ROPN1L: variants seen among roughly 807,000 people sequenced by gnomAD.
ROPN1L encodes the protein ropporin-1-like protein.
ROPN1L carries 23 observed loss-of-function variants against 22.7 expected under a neutral mutation model. That is an observed-to-expected ratio of 1.01 (90% CI 0.73 to 1.43). ROPN1L has a LOEUF of 1.43. Ranked by LOEUF, ROPN1L falls within the 40% of genes most tolerant of loss-of-function variation. The pLI, the probability that ROPN1L is intolerant of heterozygous loss-of-function variation, is 0.00. For missense variants in ROPN1L, 271 were observed against 291.5 expected, an observed-to-expected ratio of 0.93 and a Z score of 0.51; for synonymous variants, 116 against 117.8, an observed-to-expected ratio of 0.98 and a Z score of 0.10.
chr5:10,478,103 T>C, the ROPN1L span: 1 of 152,476 alleles, frequency 6.6e-6, no homozygotes, highest in African/African-American at 2.4e-5. Flanking sequence ...AGATGGTGGG[T>C]TCTGGCTGGT....
chr5:10,447,968 G>T (rs1331453736), intron 1 of ROPN1L, among the ~76,000 whole-genome samples: 2 of 152,192 alleles, frequency 1.3e-5, no homozygotes, highest in African/African-American at 4.8e-5. Flanking sequence ...AATCACACAT[G>T]TTGAAGGAGC....
chr5:10,479,186 C>T, the ROPN1L span, among the ~76,000 whole-genome samples: 1 of 152,172 alleles, frequency 6.6e-6, no homozygotes, highest in Non-Finnish European at 1.5e-5. Flanking sequence ...ATAGTTCTTT[C>T]AAGTCCCCAG....
the ROPN1L span, among the ~76,000 whole-genome samples, chr5:10,480,217 C>G: frequency 2.0e-5 from 3 of 152,234 alleles, no homozygotes; most frequent in Admixed American, 2.0e-4. Context: ...TGATTGTCCC[C>G]TGGAGCTACG....
At chr5:10,479,808 C>A in the ROPN1L span, among the ~76,000 whole-genome samples, 105,714 of 151,708 alleles carry the variant, frequency 0.7, 37,823 homozygotes, top group Middle Eastern at 0.76. Context: ...TGCAATGGCA[C>A]GATCTCGGCT....
At chr5:10,443,901 G>A (rs904408795) in intron 1 of ROPN1L, among the ~76,000 whole-genome samples, 1 of 152,006 alleles carries the variant, frequency 6.6e-6, no homozygotes, top group East Asian at 1.9e-4. Flanking sequence ...GCATTCAGTG[G>A]CCATCCAGAT....
Position 10,448,367 on chromosome 5 carries a change from A to G in ROPN1L, c.239A>G (p.Lys80Arg). 6.2e-7 allele frequency: 1 copy of G among 1,614,158 alleles called. No homozygotes were observed. Among genetic ancestry groups the G allele is most frequent in the East Asian group, 2.2e-5 (1 of 44,878 alleles). ...TDTGLTQGLL[K>R]VLHKQCHHKR... Reference sequence around the variant, plus strand: ...ACAGGCCTGACTCAAGGACTCCTGAAAGTTTTGCACAAGCAGGTATGGGGG... The same window carrying G: ...ACAGGCCTGACTCAAGGACTCCTGAGAGTTTTGCACAAGCAGGTATGGGGG... The change falls in exon 2 of 5, where the codon AAA becomes AGA. Residue 80 changes from lysine (K) to arginine (R), a missense_variant. By Grantham distance (26) the Lys-to-Arg change is conservative (BLOSUM62 2). Coordinates refer to ENST00000274134, the MANE Select transcript of ROPN1L (RefSeq NM_031916.5).
At chr5:10,460,273 C>A (rs1341501993) in intron 3 of ROPN1L, among the ~76,000 whole-genome samples, 1 of 152,236 alleles carries the variant, frequency 6.6e-6, no homozygotes, top group Non-Finnish European at 1.5e-5. Context: ...AACAAACACA[C>A]AAACAGCTCA....
intron 4 of ROPN1L, 105 bp downstream of exon 4, chr5:10,461,464 A>G: frequency 2.1e-6 from 2 of 967,164 alleles, no homozygotes; most frequent in Non-Finnish European, 3.2e-6. Flanking sequence ...TTGCTCTCTC[A>G]CCACAACAAT....
downstream of ROPN1L, among the ~76,000 whole-genome samples, chr5:10,465,694 A>G (rs1005010140): frequency 5.9e-5 from 9 of 151,536 alleles, no homozygotes; most frequent in African/African-American, 2.2e-4. Flanking sequence ...ACTAGAAATA[A>G]TAAAAAAATT....
At chr5:10,476,592 T>C (rs1418789893), downstream of ROPN1L, among the ~76,000 whole-genome samples, 1 of 152,180 alleles carries the variant, frequency 6.6e-6, no homozygotes, top group Non-Finnish European at 1.5e-5. Context: ...AAGAAGAAAA[T>C]GATAAGTCAG....
At chr5:10,456,883 C>T (rs756845502) in intron 3 of ROPN1L, among the ~76,000 whole-genome samples, 11 of 152,226 alleles carry the variant, frequency 7.2e-5, no homozygotes, top group African/African-American at 2.7e-4. Context: ...TTACACAGAT[C>T]TCATCTGCCT....
intron 3 of ROPN1L, among the ~76,000 whole-genome samples, chr5:10,455,650 T>A (rs1316040015): frequency 1.3e-5 from 2 of 152,238 alleles, no homozygotes; most frequent in Non-Finnish European, 2.9e-5. Context: ...CGGGGTGAAC[T>A]GCTCCTTCCC....
chr5:10,442,348 A>G, intron 1 of ROPN1L, 50 bp downstream of exon 1: 1 of 1,600,382 alleles, frequency 6.2e-7, no homozygotes, highest in Non-Finnish European at 8.5e-7. Flanking sequence ...CCCAAGCCAG[A>G]CGAGCCCAGA....
chr5:10,471,131 T>C (rs1376464177), intron 4 of ROPN1L, among the ~76,000 whole-genome samples: 6 of 151,958 alleles, frequency 3.9e-5, no homozygotes, highest in African/African-American at 9.7e-5. Context: ...TCCTTGATTC[T>C]CTTTTCTTTT....
At chr5:10,471,464 T>C (rs548163891) in intron 4 of ROPN1L, among the ~76,000 whole-genome samples, 19 of 152,192 alleles carry the variant, frequency 1.2e-4, no homozygotes, top group East Asian at 5.8e-4. Context: ...TGATTTTCAA[T>C]TGGGGAAGTG....
the ROPN1L span, among the ~76,000 whole-genome samples, chr5:10,479,718 C>T: frequency 5.9e-5 from 9 of 151,996 alleles, no homozygotes; most frequent in East Asian, 1.2e-3. Context: ...ATGCACGGCA[C>T]GGCTTTGCGG....
chr5:10,471,363 G>T (rs1243457514), intron 4 of ROPN1L, among the ~76,000 whole-genome samples: 1 of 151,858 alleles, frequency 6.6e-6, no homozygotes, highest in Non-Finnish European at 1.5e-5. Flanking sequence ...GGCCAGGCTG[G>T]TCACAAACTC....
At chr5:10,453,927 T>C (rs529992704) in intron 3 of ROPN1L, among the ~76,000 whole-genome samples, 64 of 152,296 alleles carry the variant, frequency 4.2e-4, no homozygotes, top group African/African-American at 1.2e-3. Flanking sequence ...TTCTGTTATA[T>C]CCTTGAAGCC....
At chr5:10,466,511 C>T (rs888454688), downstream of ROPN1L, among the ~76,000 whole-genome samples, 7 of 152,038 alleles carry the variant, frequency 4.6e-5, no homozygotes, top group African/African-American at 7.2e-5. Flanking sequence ...TGAATATCAC[C>T]GTAAATAAAC....
Sources: gnomAD v4.1 joint callset for allele counts (sites outside exome capture counted in the v4.1 genomes callset) on GRCh38, gnomAD v4.1.1 for gene constraint, MANE v1.5 for transcripts, NCBI Gene and HGNC (gene_info 2026-07-23, HGNC 2026-07-21) for gene names.